Variants in CDC27 observed in about 807,000 individuals in gnomAD.
The protein encoded by CDC27 is cell division cycle 27, also known as cell division cycle protein 27 homolog.
Under a neutral mutation model 109.7 loss-of-function variants are expected in CDC27, and 27 were observed. The observed-to-expected ratio is 0.25, with a 90% CI of 0.18 to 0.34. The LOEUF (loss-of-function observed/expected upper bound fraction) is 0.34, where lower values mean the gene tolerates loss of function less well. CDC27 is among the 10% of genes least tolerant of loss of function. The pLI is 1.00. For synonymous variants in CDC27, 266 were observed against 333.9 expected, an observed-to-expected ratio of 0.80 and a Z score of 2.22; for missense variants, 579 against 960.2, an observed-to-expected ratio of 0.60 and a Z score of 5.25.
chr17:47,118,487 T>TA lies in CDC27; in HGVS notation c.*2447dup, dbSNP rs2061921309. The TA allele has an allele frequency of 6.6e-6, 1 of 152,614 alleles. No homozygotes were observed. Among genetic ancestry groups the TA allele is most frequent in the Admixed American group, 6.6e-5 (1 of 15,250 alleles). The allele number at this position is 152,614 out of a possible 1,614,324, so 9.5% of individuals were successfully genotyped here. On this transcript the variant is annotated 3_prime_UTR_variant, in exon 19 of 19. Transcript: ENST00000066544. ...ACTTCTGAACAAGTGTGTGCGCGTA[T>TA]ATATATATGTATATAGATGTATTAA... is the stretch of plus-strand genomic sequence containing the variant.
At chr17:47,141,184 A>C (rs2062781717) in intron 12 of CDC27, among the ~76,000 whole-genome samples, 1 of 152,222 alleles carries the variant, frequency 6.6e-6, no homozygotes, top group Admixed American at 6.5e-5. Context: ...TAAGCAAAAA[A>C]CGAATCATAT....
intron 16 of CDC27, among the ~76,000 whole-genome samples, chr17:47,128,412 A>ATC (rs1334086614): frequency 6.6e-6 from 1 of 152,194 alleles, no homozygotes; most frequent in Admixed American, 6.5e-5. Flanking sequence ...TTTGCCTCTT[A>ATC]TCTCTTTCTC....
At chr17:47,159,689 G>A in intron 4 of CDC27, 2 of 423,862 alleles carry the variant, frequency 4.7e-6, no homozygotes, top group Non-Finnish European at 8.7e-6. Context: ...GTCCTCGATG[G>A]CAACAAACGC....
chr17:47,121,801 G>T (rs562551386), intron 18 of CDC27, among the ~76,000 whole-genome samples: 3 of 150,952 alleles, frequency 2.0e-5, no homozygotes, highest in Non-Finnish European at 4.4e-5. Flanking sequence ...GTGCAATGGC[G>T]TGATTTCGGC....
intron 16 of CDC27, among the ~76,000 whole-genome samples, chr17:47,127,117 C>G (rs2062165747): frequency 6.6e-6 from 1 of 152,014 alleles, no homozygotes; most frequent in East Asian, 1.9e-4. Context: ...TTTAAAGACT[C>G]CAGTTAGATA....
chr17:47,135,611 C>G (rs79161705), intron 14 of CDC27, among the ~76,000 whole-genome samples: 1 of 152,112 alleles, frequency 6.6e-6, no homozygotes. Flanking sequence ...CTATTTTGTA[C>G]TTAGAATAAA....
intron 15 of CDC27, 47 bp from the exon 16 acceptor site, chr17:47,129,568 A>T (rs1441670276): frequency 1.4e-6 from 2 of 1,422,754 alleles, no homozygotes; most frequent in East Asian, 4.6e-5. Flanking sequence ...GATATTTATG[A>T]AGAAAGGTGA....
intron 1 of CDC27, 22 bp downstream of exon 1, chr17:47,189,124 C>T: frequency 6.2e-7 from 1 of 1,612,276 alleles, no homozygotes. Flanking sequence ...AGCCAAGCCC[C>T]AGAGAAGAAG....
At chr17:47,172,670 CTGAGT>C (rs1317959045) in intron 2 of CDC27, among the ~76,000 whole-genome samples, 1 of 152,152 alleles carries the variant, frequency 6.6e-6, no homozygotes, top group Non-Finnish European at 1.5e-5. Context: ...ATAGCAAGAG[CTGAGT>C]TATCTATCAA....
intron 2 of CDC27, among the ~76,000 whole-genome samples, chr17:47,177,499 C>A: frequency 6.6e-6 from 1 of 152,176 alleles, no homozygotes; most frequent in Middle Eastern, 3.2e-3. Flanking sequence ...ATTGCCTGAA[C>A]CTGGGAGGCA....
At chr17:47,123,346 A>G (rs746286142) in intron 17 of CDC27, among the ~76,000 whole-genome samples, 1 of 150,288 alleles carries the variant, frequency 6.7e-6, no homozygotes, top group African/African-American at 2.5e-5. Flanking sequence ...CTCAGAAGCC[A>G]TTTCTCTTAA....
At chr17:47,180,278 A>G (rs1027005290) in intron 2 of CDC27, among the ~76,000 whole-genome samples, 1 of 152,086 alleles carries the variant, frequency 6.6e-6, no homozygotes, top group Non-Finnish European at 1.5e-5. Flanking sequence ...TAAGCCTTCC[A>G]TTCCTTCTCA....
At chr17:47,177,172 G>A (rs2064046368) in intron 2 of CDC27, among the ~76,000 whole-genome samples, 1 of 152,140 alleles carries the variant, frequency 6.6e-6, no homozygotes, top group Non-Finnish European at 1.5e-5. Flanking sequence ...AGCAGCACAT[G>A]CCTGTATTCC....
At chr17:47,180,920 C>T (rs1478223761) in intron 2 of CDC27, among the ~76,000 whole-genome samples, 3 of 135,146 alleles carry the variant, frequency 2.2e-5, no homozygotes, top group Non-Finnish European at 4.6e-5. Flanking sequence ...CCATGTTCTT[C>T]ACCATAGAAT....
intron 8 of CDC27, 70 bp downstream of exon 8, chr17:47,154,602 T>C: frequency 1.3e-6 from 1 of 796,680 alleles, no homozygotes; most frequent in Non-Finnish European, 2.1e-6. Context: ...TCCCTGAGAT[T>C]ACCTTTAAAA....
chr17:47,169,771 T>C (rs1417552901), intron 4 of CDC27, 146 bp downstream of exon 4: 2 of 492,250 alleles, frequency 4.1e-6, no homozygotes, highest in Non-Finnish European at 6.6e-6. Context: ...TTAGCATCTC[T>C]GCTATTTTAA....
At chr17:47,146,128 A>G (rs1302787685) in intron 9 of CDC27, among the ~76,000 whole-genome samples, 2 of 152,242 alleles carry the variant, frequency 1.3e-5, no homozygotes, top group Admixed American at 6.5e-5. Context: ...GAAAGAAGAC[A>G]TGAAAGCTCT....
intron 2 of CDC27, among the ~76,000 whole-genome samples, chr17:47,180,029 G>A (rs1042627401): frequency 3.3e-5 from 5 of 152,268 alleles, no homozygotes; most frequent in Non-Finnish European, 7.4e-5. Flanking sequence ...TTGGGAGGCT[G>A]AGGCAGGAGG....
intron 2 of CDC27, among the ~76,000 whole-genome samples, chr17:47,175,127 C>T (rs1288606655): frequency 6.6e-6 from 1 of 151,696 alleles, no homozygotes; most frequent in Non-Finnish European, 1.5e-5. Context: ...TGAAGTTCCT[C>T]TTCTTACAAA....
Sources: allele counts gnomAD v4.1 joint callset (sites outside exome capture counted in the v4.1 genomes callset), GRCh38; gene constraint gnomAD v4.1.1; transcripts MANE v1.5; gene names NCBI Gene and HGNC (gene_info 2026-07-23, HGNC 2026-07-21).